The following NPTN variants were observed in gnomAD, a reference collection of about 807,000 sequenced individuals.
NPTN encodes SDR-1.
NPTN carries 5 observed loss-of-function variants against 42.7 expected under a neutral mutation model. The ratio of observed to expected loss-of-function variants is 0.12; its 90% confidence interval spans 0.06 to 0.25. The LOEUF is 0.25. Among genes scored for constraint, NPTN ranks in the 10% least tolerant of loss-of-function variants. The probability of loss-of-function intolerance (pLI) is 1.00; values close to 1 mark genes in which losing one functional copy is unlikely to be tolerated. For missense variants in NPTN, 307 were observed against 525.4 expected (o/e 0.58, Z 4.06); for synonymous variants, 180 against 201.9 (o/e 0.89, Z 0.92).
chr15:73,596,109 A>C (rs1170781515), intron 2 of NPTN, among the ~76,000 whole-genome samples: 2 of 152,260 alleles, frequency 1.3e-5, no homozygotes, highest in Non-Finnish European at 2.9e-5. Flanking sequence ...AACCGTGAAC[A>C]GGAATCAACT....
chr15:73,576,384 A>C (rs908998510), intron 4 of NPTN, among the ~76,000 whole-genome samples: 1 of 152,160 alleles, frequency 6.6e-6, no homozygotes, highest in Admixed American at 6.5e-5. Context: ...GCTGGAATGC[A>C]GTGGTGTGAT....
intron 1 of NPTN, among the ~76,000 whole-genome samples, chr15:73,602,385 A>T (rs577789931): frequency 7.9e-5 from 12 of 152,224 alleles, no homozygotes; most frequent in Admixed American, 7.9e-4. Context: ...AGCCAAGATC[A>T]TAAGAGCGTT....
chr15:73,563,210 G>A (rs774773152), intron 7 of NPTN, 26 bp downstream of exon 7: 4 of 1,446,820 alleles, frequency 2.8e-6, no homozygotes, highest in East Asian at 4.5e-5. Context: ...AGATACTGTT[G>A]AATCAATGTC....
intron 1 of NPTN, chr15:73,632,905 C>T (rs951242680): frequency 2.4e-6 from 1 of 412,592 alleles, no homozygotes; most frequent in East Asian, 3.7e-5. Context: ...ACACCTCGGG[C>T]TCACCCCGGA....
At chr15:73,588,430 A>G (rs1249244095) in intron 3 of NPTN, among the ~76,000 whole-genome samples, 2 of 152,162 alleles carry the variant, frequency 1.3e-5, no homozygotes, top group East Asian at 1.9e-4. Flanking sequence ...GGCACAGTTT[A>G]AAGAAAAAGA....
At chr15:73,623,532 C>A (rs376728116) in intron 1 of NPTN, among the ~76,000 whole-genome samples, 1 of 152,022 alleles carries the variant, frequency 6.6e-6, no homozygotes, top group Non-Finnish European at 1.5e-5. Flanking sequence ...ACAAAAAATT[C>A]AAAAATTAGC....
Position 73,597,381 on chromosome 15 carries a change from G to C in NPTN, c.92-12C>G. 1 of 1,602,338 alleles carries C rather than the reference G, an allele frequency of 6.2e-7. No homozygotes were observed. The highest frequency in any genetic ancestry group is 8.5e-7 in the Non-Finnish European group (1 of 1,170,892). ...CTTGACAAACCCAGCTAGAGGGAGG[G>C]GGAGCAGGAATGCAGTGACAGGCCA... On this transcript the variant is annotated splice_polypyrimidine_tract_variant and intron_variant, in intron 1 of 8. Transcript: ENST00000345330. This position sits in a 1 kb window ranked among gnomAD's most constrained non-coding sequence, Gnocchi z 6.3.
intron 1 of NPTN, among the ~76,000 whole-genome samples, chr15:73,623,328 C>T (rs1898226094): frequency 6.6e-6 from 1 of 152,180 alleles, no homozygotes; most frequent in Non-Finnish European, 1.5e-5. Flanking sequence ...AGTTAATCTA[C>T]CATTTTACTT....
chr15:73,592,196 C>G, intron 2 of NPTN, 59 bp from the exon 3 acceptor site: 1 of 1,484,072 alleles, frequency 6.7e-7, no homozygotes, highest in Admixed American at 1.8e-5. Flanking sequence ...GTAGCCCTGG[C>G]CTGAGAGTTG....
intron 2 of NPTN, among the ~76,000 whole-genome samples, chr15:73,594,127 A>G (rs1048622609): frequency 1.3e-5 from 2 of 152,088 alleles, no homozygotes; most frequent in Non-Finnish European, 2.9e-5. Context: ...AAACCCAAAC[A>G]CACTTTTAGG....
chr15:73,628,061 G>A (rs1898522639), intron 1 of NPTN, among the ~76,000 whole-genome samples: 2 of 151,874 alleles, frequency 1.3e-5, no homozygotes, highest in Admixed American at 6.6e-5. Context: ...TATCTAAGGT[G>A]CTTAAAATTA....
intron 1 of NPTN, among the ~76,000 whole-genome samples, chr15:73,605,257 A>G (rs1403124473): frequency 1.3e-5 from 2 of 152,190 alleles, no homozygotes; most frequent in Non-Finnish European, 2.9e-5. Context: ...CCATTTTCCA[A>G]AAGAAAAAAG....
intron 1 of NPTN, among the ~76,000 whole-genome samples, chr15:73,625,006 C>T (rs1467767168): frequency 1.3e-5 from 2 of 152,084 alleles, no homozygotes; most frequent in African/African-American, 2.4e-5. Context: ...CTCATAATGA[C>T]TAATAACAGT....
intron 6 of NPTN, chr15:73,566,978 T>C: frequency 1.1e-6 from 1 of 950,596 alleles, no homozygotes; most frequent in Non-Finnish European, 1.2e-6. Context: ...AATACTCCAG[T>C]AGGTAAAGAA....
intron 1 of NPTN, among the ~76,000 whole-genome samples, chr15:73,630,349 A>G (rs1020808481): frequency 6.6e-6 from 1 of 152,234 alleles, no homozygotes; most frequent in Non-Finnish European, 1.5e-5. Flanking sequence ...CACTCACTCA[A>G]TTGCAGTCTA....
At chr15:73,574,163 A>G (rs1895559548) in intron 4 of NPTN, among the ~76,000 whole-genome samples, 1 of 152,234 alleles carries the variant, frequency 6.6e-6, no homozygotes, top group Admixed American at 6.5e-5. Flanking sequence ...TTTTTTCTTA[A>G]AACACCTGCA....
chr15:73,632,853 C>T, intron 1 of NPTN: 1 of 360,660 alleles, frequency 2.8e-6, no homozygotes. Flanking sequence ...CCTCGCCGAC[C>T]CGGCACGACG....
At chr15:73,579,689 T>C (rs189642298) in intron 4 of NPTN, among the ~76,000 whole-genome samples, 1 of 152,256 alleles carries the variant, frequency 6.6e-6, no homozygotes, top group East Asian at 1.9e-4. Context: ...ACTTCCCCTC[T>C]TTATTTGACA....
At chr15:73,571,056 G>A (rs1331525365) in intron 5 of NPTN, among the ~76,000 whole-genome samples, 1 of 152,200 alleles carries the variant, frequency 6.6e-6, no homozygotes, top group Admixed American at 6.5e-5. Flanking sequence ...TAAGGTGGGA[G>A]GATCGCTTGA....
Sources: gnomAD v4.1 joint callset for allele counts (sites outside exome capture counted in the v4.1 genomes callset) on GRCh38, gnomAD v4.1.1 for gene constraint, Gnocchi (gnomAD v3.1) non-coding constraint, MANE v1.5 for transcripts, NCBI Gene and HGNC (gene_info 2026-07-23, HGNC 2026-07-21) for gene names.